ANKHD1: variants seen among roughly 807,000 people sequenced by gnomAD.
ANKHD1 encodes the protein ankyrin repeat and KH domain-containing protein 1.
ANKHD1 carries 31 observed loss-of-function variants against 230.5 expected under a neutral mutation model. The observed-to-expected ratio is 0.13, with a 90% CI of 0.10 to 0.18. ANKHD1 has a LOEUF of 0.18. ANKHD1 is among the 10% of genes least tolerant of loss of function. ANKHD1 has a pLI of 1.00. For missense variants in ANKHD1, 2,256 were observed against 3,071.3 expected (o/e 0.73, Z 6.27); for synonymous variants, 1,074 against 1,117.6 (o/e 0.96, Z 0.78).
chr5:140,440,185 C>T lies in ANKHD1; in HGVS notation c.684C>T (p.Gly228=). ...CTGTTCGTAAATTGCTAGATGAAGG[C>T]AGAAGTGTAAATGAACATACAGAAG... is the stretch of plus-strand genomic sequence containing the variant. ...VNAVRKLLDE[G]RSVNEHTEEG... is the part of the protein sequence containing the mutation. The change falls in exon 4 of 34, where the codon GGC becomes GGT. Residue 228 remains glycine (G), a synonymous_variant. Coordinates refer to ENST00000360839, the MANE Select transcript of ANKHD1 (RefSeq NM_017747.3). The T allele has an allele frequency of 6.2e-7, 1 of 1,613,220 alleles. No homozygotes were observed. The highest frequency in any genetic ancestry group is 8.5e-7 in the Non-Finnish European group (1 of 1,179,554).
intron 7 of ANKHD1, among the ~76,000 whole-genome samples, chr5:140,454,500 A>G (rs888440403): frequency 3.3e-5 from 5 of 152,250 alleles, no homozygotes; most frequent in Non-Finnish European, 5.9e-5. Flanking sequence ...AACAGAGATT[A>G]TAACAAACTG....
chr5:140,423,631 C>T (rs745630036), intron 1 of ANKHD1, among the ~76,000 whole-genome samples: 8 of 152,118 alleles, frequency 5.3e-5, no homozygotes, highest in Non-Finnish European at 1.2e-4. Context: ...ATCCATGTGG[C>T]TTCCCTTTCA....
intron 9 of ANKHD1, 75 bp from the exon 10 acceptor site, chr5:140,464,592 A>G: frequency 7.9e-7 from 1 of 1,260,946 alleles, no homozygotes; most frequent in Non-Finnish European, 1.1e-6. Flanking sequence ...CTTCAGTTTC[A>G]CCAGATTGCA....
At position 140,485,920 on chromosome 5, in the gene ANKHD1, T is replaced by C. The variant is rs1238182098; in HGVS notation, c.2142+188T>C. ...TACACTGAAATTTGTTATTGCCTTA[T>C]TTATTGAGAATAGTGGTTTTTAAAA... On this transcript the variant is annotated intron_variant, in intron 13 of 33. Coordinates refer to ENST00000360839, the MANE Select transcript of ANKHD1 (RefSeq NM_017747.3). The surrounding 1 kb of genome is among the most constrained non-coding windows in gnomAD (Gnocchi z 4.8). 2.3e-6 allele frequency: 2 copies of C among 859,212 alleles called. No individual in the cohort carries two copies. The highest frequency in any genetic ancestry group is 3.5e-5 in the African/African-American group (2 of 57,742). The allele number at this position is 859,212 out of a possible 1,614,324, so 53.2% of individuals were successfully genotyped here. A position where few individuals can be genotyped will look rare whatever the true frequency, so the allele number is the denominator to read the frequency against.
Position 140,464,693 on chromosome 5 carries a change from A to G in ANKHD1, c.1699A>G (p.Thr567Ala), listed in dbSNP as rs1486019812. The part of the protein sequence containing the change: ...SGANVHATTA[T>A]GDTALTYACE... The stretch of plus-strand genomic sequence containing the variant: ...CGCTAATGTGCATGCTACAACAGCA[A>G]CAGGAGACACAGCCTTAACCTATGC... Residue 567 changes from threonine to alanine, a missense_variant, in exon 10 of 34, where the codon ACA (threonine) becomes GCA (alanine). Thr to Ala is a moderately conservative substitution (Grantham distance 58). This residue lies in a region of ANKHD1 where 179 missense variants were observed against 261.8 expected (regional missense o/e 0.68). Coordinates refer to ENST00000360839, the MANE Select transcript of ANKHD1 (RefSeq NM_017747.3). The G allele has an allele frequency of 6.2e-7, 1 of 1,602,630 alleles. No individual in the cohort carries two copies. The highest frequency in any genetic ancestry group is 1.3e-5 in the African/African-American group (1 of 74,816).
intron 6 of ANKHD1, among the ~76,000 whole-genome samples, chr5:140,447,947 T>C (rs2126937951): frequency 6.6e-6 from 1 of 152,294 alleles, no homozygotes; most frequent in Admixed American, 6.5e-5. Flanking sequence ...TCTAGTCAGG[T>C]ATGTTGCTGC....
At chr5:140,524,612 C>A (rs984598377) in intron 25 of ANKHD1, among the ~76,000 whole-genome samples, 1 of 152,038 alleles carries the variant, frequency 6.6e-6, no homozygotes, top group Non-Finnish European at 1.5e-5. Context: ...GATTCAGGCT[C>A]AAGGATATAG....
chr5:140,475,122 T>C (rs1190645515), intron 10 of ANKHD1, among the ~76,000 whole-genome samples: 2 of 152,206 alleles, frequency 1.3e-5, no homozygotes, highest in Non-Finnish European at 1.5e-5. Context: ...AATGAGTTCT[T>C]TTCAGCTCTC....
At chr5:140,500,795 T>G (rs1489293617) in intron 15 of ANKHD1, among the ~76,000 whole-genome samples, 1 of 152,084 alleles carries the variant, frequency 6.6e-6, no homozygotes, top group Non-Finnish European at 1.5e-5. Flanking sequence ...AAAGTTCTGA[T>G]TTATCTTTAA....
intron 15 of ANKHD1, among the ~76,000 whole-genome samples, chr5:140,502,176 A>C (rs535385910): frequency 6.6e-6 from 1 of 152,204 alleles, no homozygotes; most frequent in Non-Finnish European, 1.5e-5. Flanking sequence ...TGAAAATGTC[A>C]TAGTCTTGGT....
At chr5:140,443,366 A>G (rs1263450761) in intron 5 of ANKHD1, among the ~76,000 whole-genome samples, 1 of 152,126 alleles carries the variant, frequency 6.6e-6, no homozygotes, top group Non-Finnish European at 1.5e-5. Context: ...GGTTAACAGC[A>G]TTATGCTATA....
chr5:140,407,821 A>G lies in ANKHD1; in HGVS notation c.306+5548A>G, dbSNP rs142135116. ...GTTTTCAATTTTTGTCGTAAGAATGAATGTGTGTGTATATGTGTGTTTGTG... is the reference window on the plus strand; with the variant it reads ...GTTTTCAATTTTTGTCGTAAGAATGGATGTGTGTGTATATGTGTGTTTGTG... On this transcript the variant is annotated intron_variant, in intron 1 of 33. Transcript: ENST00000360839. Among the ~76,000 whole-genome samples, 3 of 152,258 alleles carry G rather than the reference A, an allele frequency of 2.0e-5. No homozygotes were observed. In the East Asian group the frequency reaches 5.8e-4, roughly 29 times the overall value.
intron 1 of ANKHD1, among the ~76,000 whole-genome samples, chr5:140,425,449 G>A (rs1200105644): frequency 6.6e-6 from 1 of 152,118 alleles, no homozygotes; most frequent in Non-Finnish European, 1.5e-5. Context: ...TGTAGAGACA[G>A]GGTTTCACCC....
rs1773625323 is a variant in ANKHD1, at chr5:140,438,598, A to G, written c.598A>G (p.Asn200Asp). The G allele has an allele frequency of 1.2e-6, 2 of 1,604,600 alleles. No homozygotes were observed. The highest frequency in any genetic ancestry group is 2.2e-5 in the South Asian group (2 of 89,712). The change falls in exon 3 of 34, where the codon AAT becomes GAT. Residue 200 changes from asparagine (N) to aspartate (D), a missense_variant. Around this residue, in one of 13 missense-constraint regions of ANKHD1, gnomAD observed 206 missense variants for 304.5 expected, o/e 0.68. Coordinates refer to ENST00000360839, the MANE Select transcript of ANKHD1 (RefSeq NM_017747.3). ...LTRMKAENSH[N>D]AGQVDTRSLA... ...ACGGATGAAAGCAGAAAACAGCCAC[A>G]ATGCAGGACAAGTGGACACGTATGT... is the stretch of plus-strand genomic sequence containing the variant.
intron 1 of ANKHD1, among the ~76,000 whole-genome samples, chr5:140,423,874 G>A (rs892650351): frequency 6.6e-6 from 1 of 152,282 alleles, no homozygotes. Context: ...ACTTCTCACA[G>A]GAGCTGGTTA....
At chr5:140,452,051 A>G (rs898102784) in intron 7 of ANKHD1, among the ~76,000 whole-genome samples, 5 of 152,182 alleles carry the variant, frequency 3.3e-5, no homozygotes, top group African/African-American at 4.8e-5. Context: ...CCAACTGAGC[A>G]TACGGCACAC....
At position 140,402,284 on chromosome 5, in the gene ANKHD1, G is replaced by A; in HGVS notation, c.306+11G>A. 1 of 1,465,826 alleles carries A rather than the reference G, an allele frequency of 6.8e-7. No individual in the cohort carries two copies. The highest frequency in any genetic ancestry group is 9.0e-7 in the Non-Finnish European group (1 of 1,115,316). 90.8% of individuals were successfully genotyped at this position (1,465,826 alleles called of 1,614,324 possible). On this transcript the variant is annotated intron_variant, in intron 1 of 33. Coordinates refer to ENST00000360839, the MANE Select transcript of ANKHD1 (RefSeq NM_017747.3). ...GACGAAGTGTCCGAGGTAAGGCTCC[G>A]GGACCCTCGCCTCCCACACATTGTG...
At chr5:140,508,096 A>C in intron 20 of ANKHD1, 98 bp downstream of exon 20, 1 of 1,416,528 alleles carries the variant, frequency 7.1e-7, no homozygotes, top group Non-Finnish European at 9.3e-7. Context: ...AATTATCATA[A>C]ATTAAAACTG....
Position 140,505,194 on chromosome 5 carries a change from A to T in ANKHD1, c.3223A>T (p.Ile1075Phe). 1 of 1,614,198 alleles carries T rather than the reference A, an allele frequency of 6.2e-7. No homozygotes were observed. Among genetic ancestry groups the T allele is most frequent in the Non-Finnish European group, 8.5e-7 (1 of 1,180,012 alleles). Reference protein sequence around the residue: ...GGHEELVSVLIARDAKIEHRD... With the variant: ...GGHEELVSVLFARDAKIEHRD... ...TCATGAAGAACTTGTATCTGTGCTC[A>T]TTGCACGGGATGCCAAAATTGAACA... The change falls in exon 17 of 34, where the codon ATT becomes TTT. Residue 1075 changes from isoleucine to phenylalanine, a missense_variant. Ile to Phe is a conservative substitution (Grantham distance 21). Transcript: ENST00000360839.
Sources: gnomAD v4.1 joint callset for allele counts (sites outside exome capture counted in the v4.1 genomes callset) on GRCh38, gnomAD v4.1.1 for gene constraint, gnomAD v4.1.1 regional missense constraint, Gnocchi (gnomAD v3.1) non-coding constraint, MANE v1.5 for transcripts, NCBI Gene and HGNC (gene_info 2026-07-23, HGNC 2026-07-21) for gene names.